The following EXT1 variants were observed in gnomAD, a reference collection of about 807,000 sequenced individuals.
EXT1 encodes exostosin glycosyltransferase 1, also known as exostosin-1.
EXT1 carries 20 observed loss-of-function variants against 82.5 expected under a neutral mutation model. The ratio of observed to expected loss-of-function variants is 0.24; its 90% confidence interval spans 0.17 to 0.35. EXT1 has a LOEUF of 0.35. Ranked by LOEUF, EXT1 falls within the 10% of genes least tolerant of loss-of-function variation. The pLI, the probability that EXT1 is intolerant of heterozygous loss-of-function variation, is 1.00. For missense variants in EXT1, 757 were observed against 936.5 expected (o/e 0.81, Z 2.50); for synonymous variants, 348 against 350.8 (o/e 0.99, Z 0.09).
chr8:117,904,683 C>T (rs1374428498), intron 1 of EXT1, among the ~76,000 whole-genome samples: 1 of 152,116 alleles, frequency 6.6e-6, no homozygotes, highest in Non-Finnish European at 1.5e-5. Flanking sequence ...CAGGGTACTA[C>T]CTGCCCCCCA....
At chr8:118,024,021 T>A (rs528117051) in intron 1 of EXT1, among the ~76,000 whole-genome samples, 1 of 152,230 alleles carries the variant, frequency 6.6e-6, no homozygotes, top group Non-Finnish European at 1.5e-5. Flanking sequence ...AGAGTGGACA[T>A]TGCTCACTTT....
intron 1 of EXT1, among the ~76,000 whole-genome samples, chr8:117,993,507 G>A (rs1418267620): frequency 2.0e-5 from 3 of 152,232 alleles, no homozygotes; most frequent in Admixed American, 6.5e-5. Context: ...AAAGGGATAT[G>A]TTAATTGCCT....
At chr8:117,859,950 C>T (rs945037080) in intron 1 of EXT1, among the ~76,000 whole-genome samples, 1 of 151,974 alleles carries the variant, frequency 6.6e-6, no homozygotes, top group African/African-American at 2.4e-5. Context: ...AGTTCGGGAA[C>T]AGCCTGGCCC....
chr8:117,824,408 A>G (rs1811976133), intron 4 of EXT1, among the ~76,000 whole-genome samples: 1 of 152,240 alleles, frequency 6.6e-6, no homozygotes, highest in African/African-American at 2.4e-5. Context: ...CAAGCATTTT[A>G]TACTGTCTTC....
At chr8:117,999,615 C>T (rs772757710) in intron 1 of EXT1, among the ~76,000 whole-genome samples, 67 of 152,118 alleles carry the variant, frequency 4.4e-4, no homozygotes, top group Non-Finnish European at 8.5e-4. Context: ...GGGGCTTACA[C>T]AAATTTAATC....
At chr8:117,920,078 C>T (rs1296478506) in intron 1 of EXT1, among the ~76,000 whole-genome samples, 1 of 151,944 alleles carries the variant, frequency 6.6e-6, no homozygotes, top group African/African-American at 2.4e-5. Context: ...AAGAGAGAGG[C>T]AACAGAAATG....
At chr8:118,016,179 G>A (rs1816000967) in intron 1 of EXT1, among the ~76,000 whole-genome samples, 1 of 152,178 alleles carries the variant, frequency 6.6e-6, no homozygotes, top group Non-Finnish European at 1.5e-5. Flanking sequence ...ATCACTAGAG[G>A]CCAGGAGTTT....
intron 1 of EXT1, among the ~76,000 whole-genome samples, chr8:118,019,243 G>A (rs953932625): frequency 2.3e-4 from 32 of 141,852 alleles, no homozygotes; most frequent in African/African-American, 7.8e-4. Flanking sequence ...ATAGCAGTAC[G>A]ATTGAAAGAA....
chr8:117,955,691 GA>G (rs1247226383), intron 1 of EXT1, among the ~76,000 whole-genome samples: 1 of 152,156 alleles, frequency 6.6e-6, no homozygotes, highest in Non-Finnish European at 1.5e-5. Flanking sequence ...GAGTAGCTGG[GA>G]CTACGGGCAG....
chr8:117,931,422 T>C (rs1227745410), intron 1 of EXT1, among the ~76,000 whole-genome samples: 1 of 151,778 alleles, frequency 6.6e-6, no homozygotes, highest in Non-Finnish European at 1.5e-5. Flanking sequence ...TCTTTATAAA[T>C]TATAAACTAC....
chr8:118,037,064 A>G (rs1816432748), intron 1 of EXT1, among the ~76,000 whole-genome samples: 1 of 152,178 alleles, frequency 6.6e-6, no homozygotes, highest in Admixed American at 6.5e-5. Flanking sequence ...ACTGGCCTCA[A>G]AAACACTCGA....
At position 117,829,175 on chromosome 8, in the gene EXT1, T is replaced by C. The variant is rs539810387; in HGVS notation, c.1284+1055A>G. Among the ~76,000 whole-genome samples the C allele has an allele frequency of 4.4e-3, 670 of 152,310 alleles. 4 individuals carry two copies. Among genetic ancestry groups the C allele is most frequent in the African/African-American group, 0.015 (640 of 41,558 alleles). ...TTTCTTCAAGCTTGTAATGCATGCG[T>C]GTGCAGTTTCCTGAATCTTTTCCTA... is the stretch of plus-strand genomic sequence containing the variant. On this transcript the variant is annotated intron_variant, in intron 4 of 10. Transcript: ENST00000378204.
At chr8:117,844,055 T>C (rs990121641) in intron 1 of EXT1, among the ~76,000 whole-genome samples, 2 of 152,204 alleles carry the variant, frequency 1.3e-5, no homozygotes, top group Admixed American at 1.3e-4. Context: ...TTTAAGAAGG[T>C]ACTCTGTCAT....
chr8:118,007,866 T>A (rs1374436914), intron 1 of EXT1, among the ~76,000 whole-genome samples: 3 of 152,150 alleles, frequency 2.0e-5, no homozygotes, highest in African/African-American at 7.2e-5. Flanking sequence ...GCCCTATAAT[T>A]TCTAGAACAT....
chr8:117,975,277 G>A (rs774183860), intron 1 of EXT1, among the ~76,000 whole-genome samples: 21 of 152,178 alleles, frequency 1.4e-4, no homozygotes, highest in Non-Finnish European at 2.6e-4. Flanking sequence ...TATCAAGAGT[G>A]ATTTTCTGGT....
intron 1 of EXT1, among the ~76,000 whole-genome samples, chr8:118,038,470 C>T (rs1290154969): frequency 2.0e-5 from 3 of 152,158 alleles, no homozygotes; most frequent in Non-Finnish European, 4.4e-5. Context: ...TCCCCCAGAC[C>T]TCCTCTCTGC....
intron 1 of EXT1, among the ~76,000 whole-genome samples, chr8:118,048,079 C>T (rs1586363175): frequency 6.6e-6 from 1 of 151,488 alleles, no homozygotes; most frequent in Admixed American, 6.6e-5. Flanking sequence ...CCCTGGAAGC[C>T]ATAAGACATC....
chr8:117,999,241 C>T (rs1364974381), intron 1 of EXT1, among the ~76,000 whole-genome samples: 1 of 152,054 alleles, frequency 6.6e-6, no homozygotes. Context: ...AAATAATGGC[C>T]GACTAATATG....
intron 1 of EXT1, among the ~76,000 whole-genome samples, chr8:117,988,485 C>T (rs1008688868): frequency 4.6e-5 from 7 of 152,120 alleles, no homozygotes; most frequent in Non-Finnish European, 8.8e-5. Context: ...ATGCAAAAGA[C>T]GCTCAGACCA....
Sources: allele counts gnomAD v4.1 joint callset (sites outside exome capture counted in the v4.1 genomes callset), GRCh38; gene constraint gnomAD v4.1.1; transcripts MANE v1.5; gene names NCBI Gene and HGNC (gene_info 2026-07-23, HGNC 2026-07-21).